HOMER1: variants seen among roughly 807,000 people sequenced by gnomAD.
The protein encoded by HOMER1 is homer protein homolog 1.
In HOMER1, 3 loss-of-function variants were observed where a neutral mutation model predicts 48.9. The ratio of observed to expected loss-of-function variants is 0.06; its 90% CI spans 0.03 to 0.16. The LOEUF (loss-of-function observed/expected upper bound fraction) is 0.16, where lower values mean the gene tolerates loss of function less well. Ranked by LOEUF, HOMER1 falls within the 10% of genes least tolerant of loss-of-function variation. HOMER1 has a pLI of 1.00. For synonymous variants in HOMER1, 134 were observed against 146.4 expected, an observed-to-expected ratio of 0.92 and a Z score of 0.61; for missense variants, 247 against 411.4, an observed-to-expected ratio of 0.60 and a Z score of 3.46.
chr5:79,404,734 C>T (rs772743198), intron 5 of HOMER1, among the ~76,000 whole-genome samples: 35 of 152,132 alleles, frequency 2.3e-4, no homozygotes, highest in African/African-American at 7.5e-4. Flanking sequence ...GATGGAGTTT[C>T]GCTCTTGTTG....
At chr5:79,384,626 A>G (rs1749061533) in intron 8 of HOMER1, among the ~76,000 whole-genome samples, 1 of 152,176 alleles carries the variant, frequency 6.6e-6, no homozygotes, top group Non-Finnish European at 1.5e-5. Flanking sequence ...AGAGGAGGGA[A>G]CTTTTCCTAA....
intron 4 of HOMER1, among the ~76,000 whole-genome samples, chr5:79,445,321 G>A (rs1750845869): frequency 6.6e-6 from 1 of 152,080 alleles, no homozygotes; most frequent in Non-Finnish European, 1.5e-5. Context: ...GCCAAAAGCT[G>A]AATCCTACTA....
At chr5:79,504,683 TATAA>T (rs561170280) in intron 1 of HOMER1, among the ~76,000 whole-genome samples, 101 of 152,246 alleles carry the variant, frequency 6.6e-4, no homozygotes, top group African/African-American at 2.4e-3. Context: ...GAACAACTCT[TATAA>T]ATACTTAAAT....
chr5:79,380,491 G>A (rs746714265), intron 8 of HOMER1, among the ~76,000 whole-genome samples: 4 of 152,338 alleles, frequency 2.6e-5, no homozygotes, highest in East Asian at 1.9e-4. Flanking sequence ...GGCTACCACC[G>A]TCAGGGCTGA....
chr5:79,437,437 TAA>T (rs763194177), intron 5 of HOMER1, among the ~76,000 whole-genome samples: 4 of 152,320 alleles, frequency 2.6e-5, no homozygotes, highest in South Asian at 2.1e-4. Context: ...CTGCATATTT[TAA>T]AAGACTATGT....
At chr5:79,504,187 G>C (rs1752684899) in intron 1 of HOMER1, among the ~76,000 whole-genome samples, 1 of 151,900 alleles carries the variant, frequency 6.6e-6, no homozygotes, top group Non-Finnish European at 1.5e-5. Context: ...TCTCAAGAAA[G>C]ACGAGTTTAA....
intron 4 of HOMER1, among the ~76,000 whole-genome samples, chr5:79,446,185 G>A (rs1264930521): frequency 6.6e-6 from 1 of 152,082 alleles, no homozygotes; most frequent in Non-Finnish European, 1.5e-5. Context: ...TCTGATCCAG[G>A]AGACAATATT....
chr5:79,429,169 A>G (rs2112260484), intron 5 of HOMER1, among the ~76,000 whole-genome samples: 1 of 152,324 alleles, frequency 6.6e-6, no homozygotes, highest in East Asian at 1.9e-4. Flanking sequence ...TGGCCTGGCC[A>G]ACATGGTGAA....
chr5:79,497,103 C>T (rs1174639539), intron 1 of HOMER1, among the ~76,000 whole-genome samples: 1 of 117,574 alleles, frequency 8.5e-6, no homozygotes, highest in African/African-American at 3.1e-5. Context: ...AAGAAAGAAA[C>T]ATGTAGGCTT....
chr5:79,421,468 G>C (rs192491468), intron 5 of HOMER1, among the ~76,000 whole-genome samples: 1 of 152,188 alleles, frequency 6.6e-6, no homozygotes, highest in African/African-American at 2.4e-5. Flanking sequence ...AACATATAAG[G>C]AAAGTTTACT....
At chr5:79,453,922 G>A (rs1751094490) in intron 2 of HOMER1, among the ~76,000 whole-genome samples, 1 of 152,138 alleles carries the variant, frequency 6.6e-6, no homozygotes, top group Admixed American at 6.5e-5. Context: ...AACCACTCCT[G>A]TAGGAACTGC....
rs551409314 is a variant in HOMER1 at position 79,510,942 on chromosome 5, C to T, written c.5+1828G>A. 1.4e-4 allele frequency: 78 copies of T among 538,440 alleles called. No individual in the cohort carries two copies. In the East Asian group the frequency reaches 1.6e-3, roughly 11 times the overall value. 33.4% of individuals were successfully genotyped at this position (538,440 alleles called of 1,614,324 possible). A position where few individuals can be genotyped will look rare whatever the true frequency, so the allele number is the denominator to read the frequency against. On this transcript the variant is annotated intron_variant, in intron 1 of 8. Coordinates refer to ENST00000334082, the MANE Select transcript of HOMER1 (RefSeq NM_004272.5). ...TGAGGACAGGACTGGTGCGACCCCC[C>T]GCCAGGCTGCCATCTGCATGGGGCT... is the stretch of plus-strand genomic sequence containing the variant.
intron 2 of HOMER1, among the ~76,000 whole-genome samples, chr5:79,453,794 TA>T: frequency 6.6e-6 from 1 of 152,230 alleles, no homozygotes; most frequent in East Asian, 1.9e-4. Context: ...GCACATTTTC[TA>T]GGCAGGGCAC....
chr5:79,390,782 G>T (rs1267861689), intron 8 of HOMER1, among the ~76,000 whole-genome samples: 1 of 151,890 alleles, frequency 6.6e-6, no homozygotes, highest in African/African-American at 2.4e-5. Flanking sequence ...TAAATCAAAA[G>T]ATTAAAAAAG....
chr5:79,449,277 T>C (rs1750969171), intron 3 of HOMER1, among the ~76,000 whole-genome samples: 1 of 152,152 alleles, frequency 6.6e-6, no homozygotes, highest in South Asian at 2.1e-4. Context: ...TCTAAAAAGG[T>C]TCTGAATGAT....
intron 2 of HOMER1, among the ~76,000 whole-genome samples, chr5:79,452,400 A>G (rs1433427570): frequency 6.6e-6 from 1 of 152,222 alleles, no homozygotes; most frequent in Non-Finnish European, 1.5e-5. Flanking sequence ...ATACCATAAA[A>G]GTGAGGAATC....
At chr5:79,456,354 T>A (rs1243289608) in intron 2 of HOMER1, among the ~76,000 whole-genome samples, 2 of 152,158 alleles carry the variant, frequency 1.3e-5, no homozygotes, top group Non-Finnish European at 2.9e-5. Context: ...ACCCAGGCAG[T>A]CCTTGCTCCT....
In HOMER1 at chr5:79,511,241, T is replaced by C. The variant is rs550919929; in HGVS notation, c.5+1529A>G. Among the ~76,000 whole-genome samples, 100 of 152,306 alleles carry C rather than the reference T, an allele frequency of 6.6e-4. 1 individual carries two copies. The South Asian group carries it at 0.021, about 32-fold the overall frequency. On this transcript the variant is annotated intron_variant, in intron 1 of 8. Transcript: ENST00000334082. The stretch of plus-strand genomic sequence containing the variant: ...GCCATATTTCTAAGGTTTTGAACAG[T>C]AGTATTTTTCAGTATTTTTCTCATT...
At chr5:79,478,694 G>A (rs1279379094) in intron 1 of HOMER1, among the ~76,000 whole-genome samples, 2 of 152,094 alleles carry the variant, frequency 1.3e-5, no homozygotes, top group Admixed American at 6.6e-5. Flanking sequence ...GCTCATGCCT[G>A]TAATCCCAGC....
Sources: allele counts gnomAD v4.1 joint callset (sites outside exome capture counted in the v4.1 genomes callset), GRCh38; gene constraint gnomAD v4.1.1; transcripts MANE v1.5; gene names NCBI Gene and HGNC (gene_info 2026-07-23, HGNC 2026-07-21).